The following PHOX2A variants were observed in gnomAD, a reference collection of about 807,000 sequenced individuals.
PHOX2A encodes paired like homeobox 2A, also known as paired mesoderm homeobox protein 2A.
In PHOX2A, 10 loss-of-function variants were observed where a neutral mutation model predicts 16.4. The ratio of observed to expected loss-of-function variants is 0.61; its 90% CI spans 0.38 to 1.04. The LOEUF (loss-of-function observed/expected upper bound fraction) is 1.04, where lower values mean the gene tolerates loss of function less well. Ranked by LOEUF, PHOX2A falls within the 50% of genes least tolerant of loss-of-function variation. PHOX2A has a pLI of 0.01. For missense variants in PHOX2A, 361 were observed against 419.4 expected (o/e 0.86, Z 1.22); for synonymous variants, 219 against 203.8 (o/e 1.07, Z -0.64).
In PHOX2A at chr11:72,239,645, G is replaced by T. The variant is rs902864694; in HGVS notation, c.*104C>A. The T allele has an allele frequency of 2.2e-5, 20 of 891,058 alleles. No individual in the cohort carries two copies. Among genetic ancestry groups the T allele is most frequent in the Non-Finnish European group, 4.5e-6 (3 of 661,386 alleles). The allele number at this position is 891,058 out of a possible 1,614,324, so 55.2% of individuals were successfully genotyped here. A position where few individuals can be genotyped will look rare whatever the true frequency, so the allele number is the denominator to read the frequency against. ...GGGTGAGACAGTAGGGAGTGGAGACGGATGGGGACTTCCAGGCGGGTGGCC... is the reference window on the plus strand; with the variant it reads ...GGGTGAGACAGTAGGGAGTGGAGACTGATGGGGACTTCCAGGCGGGTGGCC... On this transcript the variant is annotated 3_prime_UTR_variant, in exon 3 of 3. Coordinates refer to ENST00000298231, the MANE Select transcript of PHOX2A (RefSeq NM_005169.4).
rs1274909127 is a variant in PHOX2A at position 72,239,384 on chromosome 11, C to A, written c.*365G>T. On this transcript the variant is annotated 3_prime_UTR_variant, in exon 3 of 3. Transcript: ENST00000298231. ...TCACCAGCGTAAGGGGTGACCCAGCCGCTGCAGAGCCAGGGAAGGGGGCTG... is the reference window on the plus strand; with the variant it reads ...TCACCAGCGTAAGGGGTGACCCAGCAGCTGCAGAGCCAGGGAAGGGGGCTG... 1.1e-5 allele frequency: 2 copies of A among 181,558 alleles called. No individual in the cohort carries two copies. The highest frequency in any genetic ancestry group is 4.7e-5 in the African/African-American group (2 of 42,546). 11.2% of individuals were successfully genotyped at this position (181,558 alleles called of 1,614,324 possible). A position where few individuals can be genotyped will look rare whatever the true frequency, so the allele number is the denominator to read the frequency against.
Position 72,240,177 on chromosome 11 carries a change from C to T in PHOX2A, c.427G>A (p.Ala143Thr). The T allele has an allele frequency of 1.3e-6, 2 of 1,535,562 alleles. No homozygotes were observed. Among genetic ancestry groups the T allele is most frequent in the Non-Finnish European group, 8.7e-7 (1 of 1,145,754 alleles). The change falls in exon 3 of 3, where the codon GCC (alanine) becomes ACC (threonine). Residue 143 changes from alanine (A) to threonine (T), a missense_variant. This residue lies in a region of PHOX2A where 235 missense variants were observed against 263.8 expected (regional missense o/e 0.89). Coordinates refer to ENST00000298231, the MANE Select transcript of PHOX2A (RefSeq NM_005169.4). ...GCGCGCTCCTGTTTGCGGAACTTGG[C>T]CCGGCGGTTCTGGAACCAGACCTGC... ...RVQVWFQNRR[A>T]KFRKQERAAS... is the part of the protein sequence containing the mutation.
chr11:72,240,488 C>T (rs915537109), intron 2 of PHOX2A, among the ~76,000 whole-genome samples: 2 of 152,218 alleles, frequency 1.3e-5, no homozygotes, highest in African/African-American at 4.8e-5. Flanking sequence ...TCTCCTCACT[C>T]TAAGTTCTTC....
chr11:72,241,823 A>C (rs1396610163), intron 1 of PHOX2A, among the ~76,000 whole-genome samples: 1 of 150,602 alleles, frequency 6.6e-6, no homozygotes, highest in Non-Finnish European at 1.5e-5. Context: ...CAGCCTTCCC[A>C]CCGGCTCTCA....
chr11:72,239,170 AAG>A lies in PHOX2A; in HGVS notation c.*577_*578del, dbSNP rs1949086156. 1 of 152,398 alleles carries A rather than the reference AAG, an allele frequency of 6.6e-6. No individual in the cohort carries two copies. The highest frequency in any genetic ancestry group is 2.1e-4 in the South Asian group (1 of 4,830). The allele number at this position is 152,398 out of a possible 1,614,324, so 9.4% of individuals were successfully genotyped here. Reference sequence around the variant, plus strand: ...AAAGGACAACCAAAAAAATTAGGGAAAGAGAATCCCTCTGTCCCATTCCCCAG... The same window carrying A: ...AAAGGACAACCAAAAAAATTAGGGAAAGAATCCCTCTGTCCCATTCCCCAG... On this transcript the variant is annotated 3_prime_UTR_variant, in exon 3 of 3. Coordinates refer to ENST00000298231, the MANE Select transcript of PHOX2A (RefSeq NM_005169.4).
chr11:72,241,122 G>A lies in PHOX2A; in HGVS notation c.385C>T (p.Leu129Phe). 1 of 1,614,024 alleles carries A rather than the reference G, an allele frequency of 6.2e-7. No homozygotes were observed. The highest frequency in any genetic ancestry group is 8.5e-7 in the Non-Finnish European group (1 of 1,180,020). Residue 129 changes from leucine (L) to phenylalanine (F), a missense_variant, in exon 2 of 3, where the codon CTC (leucine) becomes TTC (phenylalanine). This residue lies in a region of PHOX2A where 235 missense variants were observed against 263.8 expected (regional missense o/e 0.89). Coordinates refer to ENST00000298231, the MANE Select transcript of PHOX2A (RefSeq NM_005169.4). ...TREELALKID[L>F]TEARVQVWFQ... ...CGCACCTGCACGCGAGCCTCAGTGA[G>A]GTCGATCTTGAGCGCCAGCTCCTCA...
rs937822272 is a variant in PHOX2A, at chr11:72,244,097, G to A, written c.-93C>T. 1.8e-6 allele frequency: 1 copy of A among 554,910 alleles called. No homozygotes were observed. The highest frequency in any genetic ancestry group is 1.9e-5 in the African/African-American group (1 of 51,574). 34.4% of individuals were successfully genotyped at this position (554,910 alleles called of 1,614,324 possible). On this transcript the variant is annotated 5_prime_UTR_variant, in exon 1 of 3. Transcript: ENST00000298231. ...AAGGGAGGTTCGAGCGCCAGGCTCC[G>A]AGGACCCGAGGCCAGCTCTGAGCGC...
chr11:72,244,058 C>T lies in PHOX2A; in HGVS notation c.-54G>A. 1 of 897,386 alleles carries T rather than the reference C, an allele frequency of 1.1e-6. No individual in the cohort carries two copies. The highest frequency in any genetic ancestry group is 1.5e-6 in the Non-Finnish European group (1 of 676,366). The allele number at this position is 897,386 out of a possible 1,614,324, so 55.6% of individuals were successfully genotyped here. ...GCCAGGCCGGGTCGGGGTCGGGGTC[C>T]GGGTGGAGGTCGGAAGGGAGGTTCG... On this transcript the variant is annotated 5_prime_UTR_variant, in exon 1 of 3. Transcript: ENST00000298231.
At chr11:72,243,087 G>A (rs1282045094) in intron 1 of PHOX2A, among the ~76,000 whole-genome samples, 1 of 152,214 alleles carries the variant, frequency 6.6e-6, no homozygotes, top group Non-Finnish European at 1.5e-5. Context: ...AGCTCAGTGA[G>A]GTTGAGGGTT....
Position 72,239,957 on chromosome 11 carries a change from G to C in PHOX2A, c.647C>G (p.Ser216Cys), listed in dbSNP as rs1949100650. 1 of 1,305,350 alleles carries C rather than the reference G, an allele frequency of 7.7e-7. No individual in the cohort carries two copies. Among genetic ancestry groups the C allele is most frequent in the Non-Finnish European group, 9.7e-7 (1 of 1,027,590 alleles). 80.9% of individuals were successfully genotyped at this position (1,305,350 alleles called of 1,614,324 possible). A position where few individuals can be genotyped will look rare whatever the true frequency, so the allele number is the denominator to read the frequency against. ...TGGCCCCGGCCCAGGTCCCGGCCCGGAGCCCAGTGCGACGGGCAGCGGGCT... is the reference window on the plus strand; with the variant it reads ...TGGCCCCGGCCCAGGTCCCGGCCCGCAGCCCAGTGCGACGGGCAGCGGGCT... ...SPSPLPVALG[S>C]GPGPGPGPQP... Residue 216 changes from serine to cysteine, a missense_variant, in exon 3 of 3, where the codon TCC becomes TGC. By Grantham distance (112) the Ser-to-Cys change is moderately radical. Around this residue, in one of 3 missense-constraint regions of PHOX2A, gnomAD observed 55 missense variants for 101.6 expected, o/e 0.54. Transcript: ENST00000298231.
chr11:72,241,809 C>T (rs1949124907), intron 1 of PHOX2A, among the ~76,000 whole-genome samples: 1 of 151,784 alleles, frequency 6.6e-6, no homozygotes, highest in Non-Finnish European at 1.5e-5. Context: ...TTCAGCCCTA[C>T]CACCAGCCTT....
At position 72,240,217 on chromosome 11, in the gene PHOX2A, G is replaced by C. The variant is rs1333047932; in HGVS notation, c.406-19C>G. The C allele has an allele frequency of 2.2e-5, 33 of 1,532,336 alleles. No individual in the cohort carries two copies. The highest frequency in any genetic ancestry group is 2.7e-5 in the Non-Finnish European group (31 of 1,145,074). The allele number at this position is 1,532,336 out of a possible 1,614,324, so 94.9% of individuals were successfully genotyped here. ...ACCAGACCTGCGGGCACAGGGGCCA[G>C]TCAGCCTGGACGAGGGTCGGAGAAC... On this transcript the variant is annotated intron_variant, in intron 2 of 2. Coordinates refer to ENST00000298231, the MANE Select transcript of PHOX2A (RefSeq NM_005169.4).
chr11:72,241,071 C>T (rs1429033650), intron 2 of PHOX2A, 31 bp downstream of exon 2: 14 of 1,608,448 alleles, frequency 8.7e-6, no homozygotes, highest in African/African-American at 1.3e-5. Context: ...CTTCCATGCG[C>T]ACTCTCGTAC....
rs779617832 is a variant in PHOX2A at position 72,239,786 on chromosome 11, C to T, written c.818G>A (p.Arg273Gln). The T allele has an allele frequency of 3.0e-6, 4 of 1,333,914 alleles. No homozygotes were observed. Among genetic ancestry groups the T allele is most frequent in the African/African-American group, 3.0e-5 (2 of 66,412 alleles). The allele number at this position is 1,333,914 out of a possible 1,614,324, so 82.6% of individuals were successfully genotyped here. Residue 273 changes from arginine (R) to glutamine (Q), a missense_variant, in exon 3 of 3, where the codon CGG becomes CAG. This residue lies in a region of PHOX2A where 71 missense variants were observed against 54.1 expected (regional missense o/e 1.31). Transcript: ENST00000298231. ...PFSGVLSSFH[R>Q]KPGPALKTNL... The stretch of plus-strand genomic sequence containing the variant: ...GGTCTTCAGGGCGGGGCCGGGCTTC[C>T]GGTGAAAGGAGGACAGAACCCCGGA...
At position 72,239,682 on chromosome 11, in the gene PHOX2A, G is replaced by T; in HGVS notation, c.*67C>A. The T allele has an allele frequency of 8.3e-7, 1 of 1,201,046 alleles. No homozygotes were observed. The highest frequency in any genetic ancestry group is 1.1e-6 in the Non-Finnish European group (1 of 935,732). 74.4% of individuals were successfully genotyped at this position (1,201,046 alleles called of 1,614,324 possible). A position where few individuals can be genotyped will look rare whatever the true frequency, so the allele number is the denominator to read the frequency against. The stretch of plus-strand genomic sequence containing the variant: ...CCAGGCGGGTGGCCAGGATGGGAGG[G>T]GCTGTCAGGTCCTGGAGGGGCAGGG... On this transcript the variant is annotated 3_prime_UTR_variant, in exon 3 of 3. Coordinates refer to ENST00000298231, the MANE Select transcript of PHOX2A (RefSeq NM_005169.4).
At position 72,243,337 on chromosome 11, in the gene PHOX2A, C is replaced by T. The variant is rs908832171; in HGVS notation, c.217+451G>A. On this transcript the variant is annotated intron_variant, in intron 1 of 2. Coordinates refer to ENST00000298231, the MANE Select transcript of PHOX2A (RefSeq NM_005169.4). ...GCCACGCGAGCTCTAGGAAGCTTCC[C>T]GTCTGGGCAGCTCAGCTGCCTGGAG... Among the ~76,000 whole-genome samples the T allele has an allele frequency of 2.0e-5, 3 of 152,128 alleles. No homozygotes were observed. The East Asian group carries it at 5.8e-4, about 29-fold the overall frequency.
chr11:72,241,207 C>T lies in PHOX2A; in HGVS notation c.300G>A (p.Ala100=). ...AAACGCGCTCCAGCTCCTTGAGCTG[C>T]GCGCTGGTGAACGTGGTGCGGATGC... ...QRRIRTTFTS[A]QLKELERVFA... is the part of the protein sequence containing the mutation. The change falls in exon 2 of 3, where the codon GCG becomes GCA. Residue 100 remains alanine, a synonymous_variant. Transcript: ENST00000298231. 2 of 1,610,128 alleles carry T rather than the reference C, an allele frequency of 1.2e-6. No homozygotes were observed. Among genetic ancestry groups the T allele is most frequent in the Non-Finnish European group, 1.7e-6 (2 of 1,178,186 alleles).
rs758995593 is a variant in PHOX2A at position 72,240,046 on chromosome 11, G to C, written c.558C>G (p.Pro186=). ...DSKESTCSPT[P]DSTASLPPPP... Reference sequence around the variant, plus strand: ...GCGGCGGCAGCGAGGCGGTGCTATCGGGCGTGGGGCTGCACGTGGACTCCT... The same window carrying C: ...GCGGCGGCAGCGAGGCGGTGCTATCCGGCGTGGGGCTGCACGTGGACTCCT... Residue 186 remains proline, a synonymous_variant, in exon 3 of 3, where the codon CCC becomes CCG. Transcript: ENST00000298231. 5.4e-6 allele frequency: 8 copies of C among 1,491,202 alleles called. No individual in the cohort carries two copies. The highest frequency in any genetic ancestry group is 4.4e-5 in the African/African-American group (3 of 68,504). The allele number at this position is 1,491,202 out of a possible 1,614,324, so 92.4% of individuals were successfully genotyped here.
intron 1 of PHOX2A, among the ~76,000 whole-genome samples, chr11:72,243,390 G>A (rs920343685): frequency 2.0e-5 from 3 of 152,156 alleles, no homozygotes; most frequent in Non-Finnish European, 2.9e-5. Context: ...CATGCATCTC[G>A]TGGGGCAGCG....
Sources: allele counts gnomAD v4.1 joint callset (sites outside exome capture counted in the v4.1 genomes callset), GRCh38; gene constraint gnomAD v4.1.1; regional missense constraint gnomAD v4.1.1; transcripts MANE v1.5; gene names NCBI Gene and HGNC (gene_info 2026-07-23, HGNC 2026-07-21).